Variants in SYT14 observed in about 807,000 individuals in gnomAD.
The protein encoded by SYT14 is synaptotagmin-14.
SYT14 carries 32 observed loss-of-function variants against 74.2 expected under a neutral mutation model. That is an observed-to-expected ratio of 0.43 (90% confidence interval 0.33 to 0.58). The LOEUF is 0.58. SYT14 is among the 20% of genes least tolerant of loss of function. SYT14 has a pLI of 0.05. For missense variants in SYT14, 791 were observed against 981.8 expected (o/e 0.81, Z 2.60); for synonymous variants, 298 against 337.7 (o/e 0.88, Z 1.29).
At chr1:210,092,712 G>A (rs1021626363) in intron 5 of SYT14, among the ~76,000 whole-genome samples, 2 of 151,984 alleles carry the variant, frequency 1.3e-5, no homozygotes, top group Non-Finnish European at 2.9e-5. Flanking sequence ...TTTTGCTTAC[G>A]TTATAAACTA....
chr1:210,170,731 A>G (rs751146286), exon 10 of SYT14: 5 of 152,176 alleles, frequency 3.3e-5, no homozygotes, highest in East Asian at 1.9e-4. Context: ...AATAATGTCA[A>G]TTACATAAGG....
At chr1:210,010,705 C>T (rs1247033672) in intron 2 of SYT14, among the ~76,000 whole-genome samples, 1 of 151,782 alleles carries the variant, frequency 6.6e-6, no homozygotes, top group African/African-American at 2.4e-5. Context: ...GAAAGAGGAA[C>T]GTAGAAATAA....
intron 5 of SYT14, among the ~76,000 whole-genome samples, chr1:210,086,345 T>A (rs1247841990): frequency 6.6e-6 from 1 of 152,200 alleles, no homozygotes; most frequent in African/African-American, 2.4e-5. Context: ...CCTCAAAAAA[T>A]TTTTCACTTA....
intron 2 of SYT14, among the ~76,000 whole-genome samples, chr1:209,955,117 A>G (rs1338485734): frequency 6.6e-6 from 1 of 152,100 alleles, no homozygotes; most frequent in Non-Finnish European, 1.5e-5. Context: ...TCCTGGGCTT[A>G]CTTCGTTTTT....
intron 7 of SYT14, among the ~76,000 whole-genome samples, chr1:210,137,177 C>T (rs2082804669): frequency 1.3e-5 from 2 of 152,124 alleles, no homozygotes; most frequent in African/African-American, 4.8e-5. Context: ...CTCTGAAGGC[C>T]CAAACAATAT....
At chr1:210,051,803 C>CTGG (rs2081002135) in intron 5 of SYT14, among the ~76,000 whole-genome samples, 1 of 152,132 alleles carries the variant, frequency 6.6e-6, no homozygotes, top group African/African-American at 2.4e-5. Context: ...ATCCCACGTT[C>CTGG]ATGAGAAATA....
At chr1:210,161,096 C>A in exon 10 of SYT14, 1 of 1,569,618 alleles carries the variant, frequency 6.4e-7, no homozygotes, top group Non-Finnish European at 8.7e-7. Flanking sequence ...CCAATTCCAA[C>A]ATTACTGTTT....
At chr1:210,057,184 A>G (rs937272053) in intron 5 of SYT14, among the ~76,000 whole-genome samples, 1 of 152,198 alleles carries the variant, frequency 6.6e-6, no homozygotes, top group African/African-American at 2.4e-5. Context: ...GATTGGAGAC[A>G]AACCCAAACA....
chr1:210,131,822 T>C (rs1229992352), intron 7 of SYT14, among the ~76,000 whole-genome samples: 2 of 152,176 alleles, frequency 1.3e-5, no homozygotes, highest in African/African-American at 2.4e-5. Context: ...AACATATTCA[T>C]TCCCAAACTC....
intron 7 of SYT14, among the ~76,000 whole-genome samples, chr1:210,110,363 C>G (rs569468395): frequency 5.3e-4 from 81 of 152,196 alleles, no homozygotes; most frequent in African/African-American, 1.7e-3. Flanking sequence ...TCCAGGAGGA[C>G]AAAATAGGAG....
chr1:210,083,596 G>T (rs1242076801), intron 5 of SYT14, among the ~76,000 whole-genome samples: 1 of 151,388 alleles, frequency 6.6e-6, no homozygotes, highest in East Asian at 2.0e-4. Flanking sequence ...TTGAGACAGG[G>T]TCTCACTGTG....
chr1:210,074,936 G>A (rs2081463310), intron 5 of SYT14, among the ~76,000 whole-genome samples: 1 of 152,206 alleles, frequency 6.6e-6, no homozygotes, highest in Non-Finnish European at 1.5e-5. Flanking sequence ...CTTATCGCAA[G>A]GACAGAGAGC....
At chr1:210,019,731 A>G (rs1251306765) in intron 4 of SYT14, among the ~76,000 whole-genome samples, 3 of 152,300 alleles carry the variant, frequency 2.0e-5, no homozygotes, top group Non-Finnish European at 2.9e-5. Flanking sequence ...TTCAACCTCA[A>G]TTTCTTTACT....
chr1:209,978,768 G>C (rs931842682), intron 2 of SYT14, among the ~76,000 whole-genome samples: 1 of 152,218 alleles, frequency 6.6e-6, no homozygotes, highest in Admixed American at 6.5e-5. Flanking sequence ...AGAGGATTTT[G>C]CTGCCTTTTG....
chr1:210,008,379 T>G (rs2080027097), intron 2 of SYT14, among the ~76,000 whole-genome samples: 1 of 149,918 alleles, frequency 6.7e-6, no homozygotes, highest in African/African-American at 2.4e-5. Flanking sequence ...TTTTTTTTTC[T>G]TTTTGAGATG....
chr1:210,128,191 A>G (rs1028884081), intron 7 of SYT14, among the ~76,000 whole-genome samples: 3 of 152,096 alleles, frequency 2.0e-5, no homozygotes, highest in African/African-American at 7.2e-5. Context: ...TGGACAACAC[A>G]GGGAGACCCA....
chr1:210,099,909 C>T, intron 6 of SYT14, 103 bp from the exon 6 acceptor site: 1 of 1,143,526 alleles, frequency 8.7e-7, no homozygotes, highest in Non-Finnish European at 1.3e-6. Context: ...TTCTTTGTGG[C>T]AGAATTGTTT....
At chr1:210,062,937 T>C (rs1172663222) in intron 5 of SYT14, among the ~76,000 whole-genome samples, 1 of 151,662 alleles carries the variant, frequency 6.6e-6, no homozygotes, top group Non-Finnish European at 1.5e-5. Flanking sequence ...CGTTTTTCTT[T>C]TGCGTTGATG....
intron 7 of SYT14, among the ~76,000 whole-genome samples, chr1:210,105,580 A>G (rs898773263): frequency 3.3e-5 from 5 of 152,230 alleles, no homozygotes; most frequent in Non-Finnish European, 7.3e-5. Context: ...CTGATAAAAC[A>G]TTTGCTCTTC....
Sources: gnomAD v4.1 joint callset for allele counts (sites outside exome capture counted in the v4.1 genomes callset) on GRCh38, gnomAD v4.1.1 for gene constraint, MANE v1.5 for transcripts, NCBI Gene and HGNC (gene_info 2026-07-23, HGNC 2026-07-21) for gene names.